MAP3K12: variants seen among roughly 807,000 people sequenced by gnomAD.
MAP3K12 encodes the protein MAPK-upstream kinase.
MAP3K12 carries 14 observed loss-of-function variants against 87.5 expected under a neutral mutation model. The observed-to-expected ratio is 0.16, with a 90% confidence interval of 0.11 to 0.25. MAP3K12 has a LOEUF of 0.25. Ranked by LOEUF, MAP3K12 falls within the 10% of genes least tolerant of loss-of-function variation. The pLI is 1.00. For synonymous variants in MAP3K12, 469 were observed against 452.5 expected, an observed-to-expected ratio of 1.04 and a Z score of -0.46; for missense variants, 802 against 1,140.4, an observed-to-expected ratio of 0.70 and a Z score of 4.27.
chr12:53,481,832 T>C, intron 13 of MAP3K12, 109 bp downstream of exon 13: 1 of 1,349,650 alleles, frequency 7.4e-7, no homozygotes, highest in Non-Finnish European at 1.0e-6. Context: ...TTGCTCTTTA[T>C]GGTACTTTCT....
chr12:53,484,813 C>T (rs759712620), intron 6 of MAP3K12: 38 of 559,106 alleles, frequency 6.8e-5, no homozygotes, highest in Non-Finnish European at 9.8e-5. Flanking sequence ...CACTCACTGG[C>T]ACTTCATGAC....
intron 1 of MAP3K12, among the ~76,000 whole-genome samples, chr12:53,498,920 GT>G (rs1943602212): frequency 1.2e-3 from 1 of 854 alleles, no homozygotes; most frequent in South Asian, 0.033. Context: ...GTGTGTGTGT[GT>G]GTGTGTGTGT....
Position 53,480,290 on chromosome 12 carries a change from TAGAA to T in MAP3K12, c.*888_*891del, listed in dbSNP as rs779106261. The T allele has an allele frequency of 4.6e-5, 7 of 152,198 alleles. No homozygotes were observed. The highest frequency in any genetic ancestry group is 8.8e-5 in the Non-Finnish European group (6 of 68,038). 9.4% of individuals were successfully genotyped at this position (152,198 alleles called of 1,614,324 possible). On this transcript the variant is annotated 3_prime_UTR_variant, in exon 14 of 14. Coordinates refer to ENST00000547488, the MANE Select transcript of MAP3K12 (RefSeq NM_001193511.2). ...TCATTTATAGTCCTCCATAACAAGT[TAGAA>T]GGATGTATCTGCTACCATTTATTCC...
Position 53,487,351 on chromosome 12 carries a change from A to G in MAP3K12, c.41T>C (p.Phe14Ser). The stretch of plus-strand genomic sequence containing the variant: ...ACTTAGGGTAGACACAAAGCCCCCA[A>G]AGGAAGGAGAGGGTGTTCGGGTCTC... ...LHETRTPSPSFGGFVSTLSEA... is the reference protein window; with the variant it reads ...LHETRTPSPSSGGFVSTLSEA... Residue 14 changes from phenylalanine to serine, a missense_variant, in exon 2 of 14, where the codon TTT (phenylalanine) becomes TCT (serine). This residue lies in a region of MAP3K12 where 135 missense variants were observed against 151.6 expected (regional missense o/e 0.89). Transcript: ENST00000547488. The G allele has an allele frequency of 6.2e-7, 1 of 1,613,686 alleles. No individual in the cohort carries two copies. Among genetic ancestry groups the G allele is most frequent in the Non-Finnish European group, 8.5e-7 (1 of 1,179,808 alleles).
rs770696093 is a variant in MAP3K12 at position 53,481,226 on chromosome 12, T to A, written c.2635A>T (p.Asn879Tyr). Residue 879 changes from asparagine (N) to tyrosine (Y), a missense_variant, in exon 14 of 14, where the codon AAC (asparagine) becomes TAC (tyrosine). Coordinates refer to ENST00000547488, the MANE Select transcript of MAP3K12 (RefSeq NM_001193511.2). ...GGGGGCCGCAAGGCATCAACGCTGT[T>A]GGAGTTGTCCAATTCAGTGCTGTCA... Reference protein sequence around the residue: ...DCDSTELDNSNSVDALRPPAS... With the variant: ...DCDSTELDNSYSVDALRPPAS... 2.6e-6 allele frequency: 4 copies of A among 1,562,490 alleles called. No homozygotes were observed. The Admixed American group carries it at 7.4e-5, about 29-fold the overall frequency.
rs1047448963 is a variant in MAP3K12, at chr12:53,483,168, C to G, written c.1635G>C (p.Glu545Asp). 6.6e-7 allele frequency: 1 copy of G among 1,521,826 alleles called. No homozygotes were observed. The highest frequency in any genetic ancestry group is 8.8e-7 in the Non-Finnish European group (1 of 1,137,154). The allele number at this position is 1,521,826 out of a possible 1,614,324, so 94.3% of individuals were successfully genotyped here. A position where few individuals can be genotyped will look rare whatever the true frequency, so the allele number is the denominator to read the frequency against. The change falls in exon 11 of 14, where the codon GAG becomes GAC. Residue 545 changes from glutamate (E) to aspartate (D), a missense_variant. Transcript: ENST00000547488. ...CTGCATCTAGTTTAGGGAGCAAAGACTCCGTCTTGAGGATATCTGGCCTGG... is the reference window on the plus strand; with the variant it reads ...CTGCATCTAGTTTAGGGAGCAAAGAGTCCGTCTTGAGGATATCTGGCCTGG... ...HSKRPDILKT[E>D]SLLPKLDAAL...
upstream of MAP3K12, chr12:53,500,800 G>C (rs1262170132): frequency 1.3e-5 from 2 of 152,148 alleles, no homozygotes; most frequent in African/African-American, 4.8e-5. Flanking sequence ...GTCGGGGGGG[G>C]CTGACTTTTC....
intron 7 of MAP3K12, 35 bp from the exon 8 acceptor site, chr12:53,484,055 T>G (rs780900306): frequency 6.3e-7 from 1 of 1,593,878 alleles, no homozygotes; most frequent in Admixed American, 1.7e-5. Context: ...GTGAGAGCCA[T>G]CCCTTCACCC....
rs532813439 is a variant in MAP3K12, at chr12:53,483,869, C to T, written c.1358+42G>A. 6.0e-5 allele frequency: 96 copies of T among 1,611,708 alleles called. No individual in the cohort carries two copies. The South Asian group carries it at 9.3e-4, about 16-fold the overall frequency. Reference sequence around the variant, plus strand: ...GTAGGAGCTGACTGGGTGCATAGTCCTTGCTGTTAGTAAAATCACCTCCCC... The same window carrying T: ...GTAGGAGCTGACTGGGTGCATAGTCTTTGCTGTTAGTAAAATCACCTCCCC... On this transcript the variant is annotated intron_variant, in intron 8 of 13. Transcript: ENST00000547488.
At position 53,489,325 on chromosome 12, in the gene MAP3K12, C is replaced by A. The variant is rs568200615; in HGVS notation, c.-37-1897G>T. Among the ~76,000 whole-genome samples the A allele has an allele frequency of 5.3e-5, 8 of 151,640 alleles. No homozygotes were observed. The East Asian group carries it at 5.8e-4, about 11-fold the overall frequency. On this transcript the variant is annotated intron_variant, in intron 1 of 13. Coordinates refer to ENST00000547488, the MANE Select transcript of MAP3K12 (RefSeq NM_001193511.2). ...AGTAGCCAAACCCCGTCTCAAAAAA[C>A]AAACAAACAAACAAAAACCCTGAAT... is the stretch of plus-strand genomic sequence containing the variant.
In MAP3K12 at chr12:53,482,681, C is replaced by T; in HGVS notation, c.2122G>A (p.Val708Met). 6.2e-7 allele frequency: 1 copy of T among 1,614,018 alleles called. No homozygotes were observed. Among genetic ancestry groups the T allele is most frequent in the Non-Finnish European group, 8.5e-7 (1 of 1,180,032 alleles). Reference protein sequence around the residue: ...PPPPVGPGEGVGLLGTGREGT... With the variant: ...PPPPVGPGEGMGLLGTGREGT... ...TCCCTTCCAGTTCCCAGAAGCCCCA[C>T]ACCTTCACCAGGCCCTACTGGAGGA... The change falls in exon 11 of 14, where the codon GTG becomes ATG. Residue 708 changes from valine (V) to methionine (M), a missense_variant. By Grantham distance (21) the Val-to-Met change is conservative. Transcript: ENST00000547488.
At chr12:53,497,800 A>T (rs1943572253) in intron 1 of MAP3K12, among the ~76,000 whole-genome samples, 1 of 152,148 alleles carries the variant, frequency 6.6e-6, no homozygotes, top group African/African-American at 2.4e-5. Flanking sequence ...GACTTCTTAC[A>T]GGGTTGATTC....
chr12:53,481,860 C>A, intron 13 of MAP3K12, 81 bp downstream of exon 13: 1 of 1,530,168 alleles, frequency 6.5e-7, no homozygotes, highest in East Asian at 2.3e-5. Context: ...GCAGCTGTCT[C>A]CCCAAAAGCT....
chr12:53,493,016 T>G (rs1306661950), intron 1 of MAP3K12: 4 of 152,174 alleles, frequency 2.6e-5, no homozygotes, highest in African/African-American at 9.6e-5. Context: ...CTTCCCGACC[T>G]CCTTCCCGGC....
At chr12:53,484,422 A>T in intron 6 of MAP3K12, 57 bp from the exon 7 acceptor site, 1 of 1,287,914 alleles carries the variant, frequency 7.8e-7, no homozygotes, top group Non-Finnish European at 1.1e-6. Flanking sequence ...ATCAGATAGG[A>T]ACTGGAGCAT....
chr12:53,483,193 GA>G lies in MAP3K12; in HGVS notation c.1614-5del. On this transcript the variant is annotated splice_region_variant and splice_polypyrimidine_tract_variant and intron_variant, in intron 10 of 13. Transcript: ENST00000547488. ...CTCCGTCTTGAGGATATCTGGCCTG[GA>G]AGAAGAGGAAAAGTAAAAGGTTAAG... The G allele has an allele frequency of 6.6e-7, 1 of 1,525,650 alleles. No individual in the cohort carries two copies. 94.5% of individuals were successfully genotyped at this position (1,525,650 alleles called of 1,614,324 possible).
At position 53,481,136 on chromosome 12, in the gene MAP3K12, T is replaced by A. The variant is rs998160198; in HGVS notation, c.*46A>T. 2 of 762,954 alleles carry A rather than the reference T, an allele frequency of 2.6e-6. No individual in the cohort carries two copies. Among genetic ancestry groups the A allele is most frequent in the Non-Finnish European group, 1.8e-6 (1 of 568,120 alleles). The allele number at this position is 762,954 out of a possible 1,614,324, so 47.3% of individuals were successfully genotyped here. On this transcript the variant is annotated 3_prime_UTR_variant, in exon 14 of 14. Transcript: ENST00000547488. The stretch of plus-strand genomic sequence containing the variant: ...ATATATATATATATGTATATATATA[T>A]AATTTATATAAATATTTCTCTATGT...
rs1943080540 is a variant in MAP3K12 at position 53,482,347 on chromosome 12, T to C, written c.2261A>G (p.Glu754Gly). 1 of 1,613,496 alleles carries C rather than the reference T, an allele frequency of 6.2e-7. No individual in the cohort carries two copies. Among genetic ancestry groups the C allele is most frequent in the Non-Finnish European group, 8.5e-7 (1 of 1,179,830 alleles). ...TTCACTGTCTACCTCTCCTTCCTCC[T>C]CTTCCGATGAGATGCCACGTTTCTG... Reference protein sequence around the residue: ...RSQKRGISSEEEEGEVDSEVE... With the variant: ...RSQKRGISSEGEEGEVDSEVE... Residue 754 changes from glutamate (E) to glycine (G), a missense_variant, in exon 12 of 14, where the codon GAG (glutamate) becomes GGG (glycine). Coordinates refer to ENST00000547488, the MANE Select transcript of MAP3K12 (RefSeq NM_001193511.2).
At chr12:53,485,618 C>T (rs1565886660) in intron 4 of MAP3K12, 143 bp from the exon 5 acceptor site, 1 of 894,260 alleles carries the variant, frequency 1.1e-6, no homozygotes, top group Non-Finnish European at 1.7e-6. Context: ...TGCAGTGGCT[C>T]AATCTCGGCT....
Sources: allele counts gnomAD v4.1 joint callset (sites outside exome capture counted in the v4.1 genomes callset), GRCh38; gene constraint gnomAD v4.1.1; regional missense constraint gnomAD v4.1.1; transcripts MANE v1.5; gene names NCBI Gene and HGNC (gene_info 2026-07-23, HGNC 2026-07-21).